RAD51B: variants seen among roughly 807,000 people sequenced by gnomAD.
RAD51B encodes the protein RAD51 paralog B.
In RAD51B, 38 loss-of-function variants were observed where a neutral mutation model predicts 42.2. The ratio of observed to expected loss-of-function variants is 0.90; its 90% confidence interval spans 0.70 to 1.18. The LOEUF (loss-of-function observed/expected upper bound fraction) is 1.18. RAD51B is among the 50% of genes most tolerant of loss of function. RAD51B has a pLI of 0.00. For missense variants in RAD51B, 373 were observed against 400.7 expected (o/e 0.93, Z 0.59); for synonymous variants, 154 against 145.2 (o/e 1.06, Z -0.43).
intron 7 of RAD51B, among the ~76,000 whole-genome samples, chr14:68,272,878 G>A (rs376386705): frequency 6.5e-4 from 97 of 150,124 alleles, no homozygotes; most frequent in Middle Eastern, 3.4e-3. Flanking sequence ...TAGAGATGGG[G>A]TTTCACCGTG....
chr14:68,146,051 G>GTT (rs564141549), intron 7 of RAD51B, among the ~76,000 whole-genome samples: 5 of 45,832 alleles, frequency 1.1e-4, no homozygotes, highest in East Asian at 8.6e-3. Flanking sequence ...GCCCAGGACT[G>GTT]TTGTTAAAAG....
chr14:67,883,729 T>C (rs2042985560), intron 5 of RAD51B, among the ~76,000 whole-genome samples: 1 of 152,160 alleles, frequency 6.6e-6, no homozygotes, highest in South Asian at 2.1e-4. Flanking sequence ...ATTTATTTGT[T>C]TGTCTTCCTC....
At chr14:68,506,644 A>G (rs943575765) in intron 10 of RAD51B, among the ~76,000 whole-genome samples, 2 of 152,154 alleles carry the variant, frequency 1.3e-5, no homozygotes, top group African/African-American at 4.8e-5. Flanking sequence ...CATGTGTCCG[A>G]GGCAGGGAGG....
At position 68,378,477 on chromosome 14, in the gene RAD51B, G is replaced by A. The variant is rs113438704; in HGVS notation, c.854-32947G>A. 5.7e-3 allele frequency among the ~76,000 whole-genome samples: 862 copies of A among 152,174 alleles called. 6 individuals are homozygous for A. The highest frequency in any genetic ancestry group is 0.02 in the African/African-American group (814 of 41,524). ...AGTACCCATGAAGGATTGGTTCAAG[G>A]ACTCAGCCCCATACTAAAATCTTCA... is the stretch of plus-strand genomic sequence containing the variant. On this transcript the variant is annotated intron_variant, in intron 8 of 10. Coordinates refer to ENST00000471583, the MANE Select transcript of RAD51B (RefSeq NM_133510.4).
chr14:68,579,438 A>C (rs996633882), intron 10 of RAD51B, among the ~76,000 whole-genome samples: 2 of 152,212 alleles, frequency 1.3e-5, no homozygotes, highest in African/African-American at 4.8e-5. Flanking sequence ...AAGTCCTGGG[A>C]GGCAGGCTGG....
intron 7 of RAD51B, among the ~76,000 whole-genome samples, chr14:67,993,343 G>A (rs554301123): frequency 4.0e-5 from 6 of 151,824 alleles, no homozygotes; most frequent in Admixed American, 6.6e-5. Context: ...CCTCCATCCC[G>A]CTACACTCCC....
chr14:68,605,111 G>C (rs988155612), intron 10 of RAD51B, among the ~76,000 whole-genome samples: 1 of 152,180 alleles, frequency 6.6e-6, no homozygotes, highest in African/African-American at 2.4e-5. Flanking sequence ...TTATAAGGCT[G>C]ACTTGGTCAA....
rs910526346 is a variant in RAD51B at position 68,565,863 on chromosome 14, A to G, written c.1037-28622A>G. 2.0e-5 allele frequency among the ~76,000 whole-genome samples: 3 copies of G among 152,170 alleles called. No homozygotes were observed. Among genetic ancestry groups the G allele is most frequent in the Non-Finnish European group, 4.4e-5 (3 of 68,028 alleles). The stretch of plus-strand genomic sequence containing the variant: ...TTCTCCCAGTGCAACTGGGGAGGGT[A>G]TCTGGATCTTTTCCCTGGAGGTGTC... On this transcript the variant is annotated intron_variant, in intron 10 of 10. Coordinates refer to the RAD51B transcript ENST00000487270. The surrounding 1 kb of genome is among the most constrained non-coding windows in gnomAD (Gnocchi z 4.1).
intron 7 of RAD51B, among the ~76,000 whole-genome samples, chr14:67,954,667 A>C (rs1363431081): frequency 6.6e-6 from 1 of 152,130 alleles, no homozygotes; most frequent in African/African-American, 2.4e-5. Context: ...AACACAGACT[A>C]CTCTTTCAAG....
intron 7 of RAD51B, among the ~76,000 whole-genome samples, chr14:68,228,385 TTTTCTC>T (rs907724424): frequency 6.6e-6 from 1 of 152,176 alleles, no homozygotes; most frequent in African/African-American, 2.4e-5. Flanking sequence ...AATGAAAAGA[TTTTCTC>T]TTGCTGGCAA....
chr14:68,420,513 C>T (rs994563088), intron 9 of RAD51B, among the ~76,000 whole-genome samples: 3 of 152,104 alleles, frequency 2.0e-5, no homozygotes, highest in Admixed American at 2.0e-4. Flanking sequence ...ATTCCCAGAA[C>T]TGGGCGTTCC....
At chr14:68,252,657 A>G (rs1488033665) in intron 7 of RAD51B, among the ~76,000 whole-genome samples, 1 of 152,222 alleles carries the variant, frequency 6.6e-6, no homozygotes, top group Non-Finnish European at 1.5e-5. Context: ...ACAGCTGCCT[A>G]TTAAGTCATA....
intron 10 of RAD51B, among the ~76,000 whole-genome samples, chr14:68,609,906 G>C (rs1025875954): frequency 7.9e-5 from 12 of 151,850 alleles, no homozygotes; most frequent in African/African-American, 2.7e-4. Context: ...GTGACTTCCT[G>C]CCAGGCTTCC....
chr14:68,221,083 A>T (rs1248474211), intron 7 of RAD51B, among the ~76,000 whole-genome samples: 1 of 152,176 alleles, frequency 6.6e-6, no homozygotes, highest in Non-Finnish European at 1.5e-5. Flanking sequence ...AGCAGAGATC[A>T]CGCCACTGCA....
chr14:68,139,443 A>G (rs1020557522), intron 7 of RAD51B, among the ~76,000 whole-genome samples: 2 of 152,218 alleles, frequency 1.3e-5, no homozygotes, highest in African/African-American at 4.8e-5. Context: ...TTCCTTTGAC[A>G]GCTTCAGGCT....
At chr14:67,933,875 C>T (rs1415884815) in intron 7 of RAD51B, among the ~76,000 whole-genome samples, 3 of 152,194 alleles carry the variant, frequency 2.0e-5, no homozygotes, top group Non-Finnish European at 1.5e-5. Flanking sequence ...CAGAAGCTAC[C>T]TCTATGCTCC....
chr14:68,594,119 C>A (rs529152932), intron 10 of RAD51B, among the ~76,000 whole-genome samples: 14 of 149,662 alleles, frequency 9.4e-5, no homozygotes, highest in African/African-American at 3.5e-4. Context: ...GATTCCCCCA[C>A]CCCCCGTGCT....
At chr14:68,654,353 C>A (rs1892765214) in intron 11 of RAD51B, among the ~76,000 whole-genome samples, 1 of 152,234 alleles carries the variant, frequency 6.6e-6, no homozygotes, top group South Asian at 2.1e-4. Context: ...GCTGTGGGGA[C>A]ACCTTTACGT....
chr14:68,125,910 T>A (rs1237685845), intron 7 of RAD51B, among the ~76,000 whole-genome samples: 1 of 152,164 alleles, frequency 6.6e-6, no homozygotes, highest in African/African-American at 2.4e-5. Flanking sequence ...AGCACCAACG[T>A]CCCATAGGAT....
Sources: gnomAD v4.1 joint callset for allele counts (sites outside exome capture counted in the v4.1 genomes callset) on GRCh38, gnomAD v4.1.1 for gene constraint, Gnocchi (gnomAD v3.1) non-coding constraint, MANE v1.5 for transcripts, NCBI Gene and HGNC (gene_info 2026-07-23, HGNC 2026-07-21) for gene names.